CUX2: variants seen among roughly 807,000 people sequenced by gnomAD.
CUX2 encodes homeobox protein cut-like 2.
Under a neutral mutation model 144.8 loss-of-function variants are expected in CUX2, and 40 were observed. The ratio of observed to expected loss-of-function variants is 0.28; its 90% CI spans 0.21 to 0.36. The LOEUF is 0.36. CUX2 is among the 10% of genes least tolerant of loss of function. CUX2 has a pLI of 1.00. For missense variants in CUX2, 1,615 were observed against 1,994.0 expected (o/e 0.81, Z 3.62); for synonymous variants, 827 against 875.6 (o/e 0.94, Z 0.98).
chr12:111,116,951 T>C (rs1315814636), intron 1 of CUX2, among the ~76,000 whole-genome samples: 1 of 152,214 alleles, frequency 6.6e-6, no homozygotes, highest in African/African-American at 2.4e-5. Context: ...TGGCCTGAGG[T>C]TGCAGAGCTG....
intron 1 of CUX2, among the ~76,000 whole-genome samples, chr12:111,054,228 C>A (rs1870417882): frequency 6.6e-6 from 1 of 152,188 alleles, no homozygotes; most frequent in Non-Finnish European, 1.5e-5. Context: ...CGTCCCCGGG[C>A]CTGCATTTCA....
chr12:111,174,834 C>T (rs778456395), intron 1 of CUX2, among the ~76,000 whole-genome samples: 78 of 152,190 alleles, frequency 5.1e-4, no homozygotes, highest in South Asian at 2.5e-3. Flanking sequence ...ATCAGGCCAC[C>T]GGAAATATTA....
intron 1 of CUX2, among the ~76,000 whole-genome samples, chr12:111,184,782 G>A (rs1454095669): frequency 4.6e-5 from 7 of 150,838 alleles, no homozygotes; most frequent in South Asian, 2.1e-4. Flanking sequence ...GACACATTGC[G>A]GCTGGGTGCG....
Position 111,271,833 on chromosome 12 carries a change from T to C in CUX2, c.301+7994T>C, listed in dbSNP as rs549951900. 8.5e-4 allele frequency among the ~76,000 whole-genome samples: 129 copies of C among 152,374 alleles called. 1 individual carries two copies. Among genetic ancestry groups the C allele is most frequent in the Non-Finnish European group, 1.5e-3 (99 of 68,040 alleles). ...TACCAGAGAGTAGATTATTTTCTTA[T>C]TGATTTGTAGACACTCTTTGTATAT... On this transcript the variant is annotated intron_variant, in intron 4 of 21. Transcript: ENST00000261726.
intron 3 of CUX2, among the ~76,000 whole-genome samples, chr12:111,253,052 C>A (rs913876150): frequency 9.2e-5 from 14 of 152,150 alleles, no homozygotes; most frequent in Non-Finnish European, 1.9e-4. Flanking sequence ...AGAATCCTAG[C>A]ACCACTGCCA....
intron 1 of CUX2, among the ~76,000 whole-genome samples, chr12:111,116,703 T>C (rs578252315): frequency 6.6e-6 from 1 of 152,300 alleles, no homozygotes; most frequent in African/African-American, 2.4e-5. Flanking sequence ...TTACTCTGAA[T>C]TGGATCTGGA....
intron 1 of CUX2, among the ~76,000 whole-genome samples, chr12:111,142,391 G>T (rs1013372085): frequency 2.6e-5 from 4 of 152,030 alleles, no homozygotes; most frequent in Non-Finnish European, 5.9e-5. Context: ...TACTATATTA[G>T]AAAAGTCTTC....
chr12:111,288,932 C>T (rs1304493735), intron 4 of CUX2, among the ~76,000 whole-genome samples: 4 of 152,036 alleles, frequency 2.6e-5, no homozygotes, highest in Non-Finnish European at 4.4e-5. Context: ...CACTGCACTC[C>T]GGCCTGGGCA....
At chr12:111,216,712 C>T (rs1415436988) in intron 2 of CUX2, among the ~76,000 whole-genome samples, 2 of 152,178 alleles carry the variant, frequency 1.3e-5, no homozygotes, top group Non-Finnish European at 2.9e-5. Context: ...GGCTCAGCCT[C>T]GCACCCATGG....
At chr12:111,338,041 GAAA>G (rs1295048617) in intron 19 of CUX2, among the ~76,000 whole-genome samples, 1 of 136,900 alleles carries the variant, frequency 7.3e-6, no homozygotes, top group African/African-American at 2.7e-5. Context: ...CTCAAAAAAA[GAAA>G]AAAAAAAAAA....
At chr12:111,121,282 C>T (rs893475514) in intron 1 of CUX2, among the ~76,000 whole-genome samples, 1 of 151,374 alleles carries the variant, frequency 6.6e-6, no homozygotes, top group African/African-American at 2.4e-5. Flanking sequence ...ATTTTAGATG[C>T]ATTAAACATG....
chr12:111,273,478 G>C (rs1363263927), intron 4 of CUX2, among the ~76,000 whole-genome samples: 2 of 152,150 alleles, frequency 1.3e-5, no homozygotes, highest in African/African-American at 4.8e-5. Context: ...CCAGTTGCAA[G>C]AGGAATTTAA....
At chr12:111,214,391 A>T in intron 2 of CUX2, 81 bp downstream of exon 2, 1 of 788,948 alleles carries the variant, frequency 1.3e-6, no homozygotes, top group Non-Finnish European at 2.0e-6. Context: ...TGAAAACTGT[A>T]GATGCAAGTG....
chr12:111,343,136 G>C (rs1460393422), intron 21 of CUX2, among the ~76,000 whole-genome samples: 1 of 151,984 alleles, frequency 6.6e-6, no homozygotes, highest in African/African-American at 2.4e-5. Flanking sequence ...TTGAGCCTCA[G>C]GGTGGATCCC....
In CUX2 at chr12:111,312,312, A is replaced by G. The variant is rs1886949395; in HGVS notation, c.2002+111A>G. ...CCAGAGGGAATCCAAGGTGGATCAG[A>G]ACCACCAGAGGCCAGAGGGACCTGT... On this transcript the variant is annotated intron_variant, in intron 16 of 21. Transcript: ENST00000261726. This position sits in a 1 kb window ranked among gnomAD's most constrained non-coding sequence, Gnocchi z 4.3. The G allele has an allele frequency of 1.1e-6, 1 of 948,052 alleles. No individual in the cohort carries two copies. The highest frequency in any genetic ancestry group is 2.5e-5 in the Admixed American group (1 of 40,180). 58.7% of individuals were successfully genotyped at this position (948,052 alleles called of 1,614,324 possible). A position where few individuals can be genotyped will look rare whatever the true frequency, so the allele number is the denominator to read the frequency against.
At chr12:111,080,154 C>T (rs562517763) in intron 1 of CUX2, among the ~76,000 whole-genome samples, 78 of 152,236 alleles carry the variant, frequency 5.1e-4, no homozygotes, top group African/African-American at 1.8e-3. Context: ...CCTCTGCCCA[C>T]GGCAGCCTGC....
chr12:111,328,972 T>TCTCTCTCTCTCTCTCTCCCC (rs1198113973), intron 18 of CUX2, among the ~76,000 whole-genome samples: 3 of 80,056 alleles, frequency 3.7e-5, no homozygotes, highest in African/African-American at 2.6e-4. Flanking sequence ...TCTCTCTCTC[T>TCTCTCTCTCTCTCTCTCCCC]CTCCCCCTCT....
At chr12:111,253,538 C>T (rs1883673172) in intron 3 of CUX2, among the ~76,000 whole-genome samples, 1 of 152,182 alleles carries the variant, frequency 6.6e-6, no homozygotes, top group South Asian at 2.1e-4. Context: ...TTCTCCTCCC[C>T]TGCACTTGAC....
At position 111,178,903 on chromosome 12, in the gene CUX2, C is replaced by T. The variant is rs552007458; in HGVS notation, c.64-35297C>T. Among the ~76,000 whole-genome samples the T allele has an allele frequency of 1.5e-4, 23 of 152,158 alleles. No individual in the cohort carries two copies. The highest frequency in any genetic ancestry group is 2.2e-4 in the Non-Finnish European group (15 of 68,010). Reference sequence around the variant, plus strand: ...CCAGGAGCGTGTCTGGACTCTGTAACGGGGAATGACAGCAAGGGGGTCAGC... The same window carrying T: ...CCAGGAGCGTGTCTGGACTCTGTAATGGGGAATGACAGCAAGGGGGTCAGC... On this transcript the variant is annotated intron_variant, in intron 1 of 21. Transcript: ENST00000261726. This position sits in a 1 kb window ranked among gnomAD's most constrained non-coding sequence, Gnocchi z 5.7.
Sources: gnomAD v4.1 joint callset for allele counts (sites outside exome capture counted in the v4.1 genomes callset) on GRCh38, gnomAD v4.1.1 for gene constraint, Gnocchi (gnomAD v3.1) non-coding constraint, MANE v1.5 for transcripts, NCBI Gene and HGNC (gene_info 2026-07-23, HGNC 2026-07-21) for gene names.